NRG3: variants seen among roughly 807,000 people sequenced by gnomAD.
NRG3 encodes pro-neuregulin-3, membrane-bound isoform.
A neutral mutation model predicts 66.9 loss-of-function variants in NRG3; 31 were observed. The ratio of observed to expected loss-of-function variants is 0.46; its 90% CI spans 0.35 to 0.63. The LOEUF (loss-of-function observed/expected upper bound fraction) is 0.63. Among genes scored for constraint, NRG3 ranks in the 20% least tolerant of loss-of-function variants. The pLI, the probability that NRG3 is intolerant of heterozygous loss-of-function variation, is 0.00. For synonymous variants in NRG3, 393 were observed against 359.4 expected, an observed-to-expected ratio of 1.09 and a Z score of -1.06; for missense variants, 910 against 878.9, an observed-to-expected ratio of 1.04 and a Z score of -0.45.
intron 3 of NRG3, among the ~76,000 whole-genome samples, chr10:82,765,315 A>G (rs1373809507): frequency 6.6e-6 from 1 of 152,200 alleles, no homozygotes; most frequent in African/African-American, 2.4e-5. Context: ...TTAAAGTTTT[A>G]CATATGATAC....
chr10:82,787,606 C>T (rs1238552527), intron 3 of NRG3, among the ~76,000 whole-genome samples: 1 of 152,146 alleles, frequency 6.6e-6, no homozygotes, highest in African/African-American at 2.4e-5. Context: ...TCCCCGTCCC[C>T]ATGGGCGTTA....
intron 3 of NRG3, among the ~76,000 whole-genome samples, chr10:82,864,677 A>G (rs1047870665): frequency 1.3e-5 from 2 of 152,220 alleles, no homozygotes; most frequent in Non-Finnish European, 2.9e-5. Flanking sequence ...TCTGCTGATC[A>G]GGCAGATGTT....
intron 1 of NRG3, among the ~76,000 whole-genome samples, chr10:82,096,522 A>G (rs535653798): frequency 1.3e-5 from 2 of 152,152 alleles, no homozygotes; most frequent in East Asian, 3.9e-4. Context: ...AAAAACATGA[A>G]CATGAGTTAA....
intron 4 of NRG3, among the ~76,000 whole-genome samples, chr10:82,911,530 T>G (rs1845320387): frequency 6.6e-6 from 1 of 151,866 alleles, no homozygotes; most frequent in Non-Finnish European, 1.5e-5. Context: ...TTTGTGGGCA[T>G]ACACTTGTTC....
intron 1 of NRG3, among the ~76,000 whole-genome samples, chr10:82,051,013 G>A (rs932367638): frequency 5.3e-5 from 8 of 152,076 alleles, no homozygotes; most frequent in African/African-American, 1.9e-4. Context: ...GTTGTAGGCT[G>A]TGATCAATTT....
At chr10:82,828,917 A>T (rs1415601866) in intron 3 of NRG3, among the ~76,000 whole-genome samples, 1 of 152,208 alleles carries the variant, frequency 6.6e-6, no homozygotes, top group African/African-American at 2.4e-5. Context: ...TCTGTAAAAC[A>T]TGGCAAGGAA....
At chr10:82,775,812 G>A (rs2059892116) in intron 3 of NRG3, among the ~76,000 whole-genome samples, 1 of 151,952 alleles carries the variant, frequency 6.6e-6, no homozygotes, top group Non-Finnish European at 1.5e-5. Flanking sequence ...GGCTTTATGT[G>A]TTTAGGTGCT....
chr10:82,537,641 A>C (rs140777631), intron 2 of NRG3, among the ~76,000 whole-genome samples: 1 of 152,202 alleles, frequency 6.6e-6, no homozygotes, highest in Non-Finnish European at 1.5e-5. Context: ...CAAGTAAGAA[A>C]ATAAACATTT....
chr10:82,885,863 A>ATTTTT (rs558501082), intron 4 of NRG3, among the ~76,000 whole-genome samples: 1 of 142,920 alleles, frequency 7.0e-6, no homozygotes, highest in African/African-American at 2.6e-5. Context: ...CGCCTGGCCT[A>ATTTTT]TTTTTTTTTT....
chr10:82,225,144 A>G (rs2076108667), intron 1 of NRG3, among the ~76,000 whole-genome samples: 1 of 152,146 alleles, frequency 6.6e-6, no homozygotes, highest in African/African-American at 2.4e-5. Flanking sequence ...ACCACAAAAG[A>G]TAAGTAAAAA....
intron 2 of NRG3, among the ~76,000 whole-genome samples, chr10:82,666,957 T>C (rs752740484): frequency 6.6e-6 from 1 of 152,220 alleles, no homozygotes; most frequent in Non-Finnish European, 1.5e-5. Context: ...GTCTAGAAAC[T>C]TTAATGCAAC....
chr10:82,345,406 C>G (rs1481021760), intron 1 of NRG3, among the ~76,000 whole-genome samples: 1 of 151,770 alleles, frequency 6.6e-6, no homozygotes, highest in Non-Finnish European at 1.5e-5. Context: ...GGGCTCTGTT[C>G]TGTTCCATTG....
In NRG3 at chr10:82,643,905, CA is replaced by C. The variant is rs2050757774; in HGVS notation, c.954-94671del. Reference sequence around the variant, plus strand: ...ACACGCGCACACACACACACACACCCACACACACACACACACACGAGAATTT... The same window carrying C: ...ACACGCGCACACACACACACACACCCCACACACACACACACACGAGAATTT... On this transcript the variant is annotated intron_variant, in intron 2 of 8. Coordinates refer to ENST00000372141, the MANE Select transcript of NRG3 (RefSeq NM_001010848.4). Among the ~76,000 whole-genome samples, 7 of 1,788 alleles carry C rather than the reference CA, an allele frequency of 3.9e-3. 1 individual carries two copies. The highest frequency in any genetic ancestry group is 0.027 in the African/African-American group (4 of 146). The allele number at this position is 1,788 out of a possible 152,430, so 1.2% of individuals were successfully genotyped here.
chr10:82,846,824 G>T (rs2063329718), intron 3 of NRG3, among the ~76,000 whole-genome samples: 1 of 152,168 alleles, frequency 6.6e-6, no homozygotes, highest in South Asian at 2.1e-4. Context: ...TGGAGTTGTG[G>T]TGCAAACAGA....
intron 1 of NRG3, among the ~76,000 whole-genome samples, chr10:81,939,318 A>G (rs1848192714): frequency 6.6e-6 from 1 of 152,048 alleles, no homozygotes; most frequent in Non-Finnish European, 1.5e-5. Flanking sequence ...TCAAGTTTTT[A>G]GAAGAGTTTG....
chr10:81,949,997 C>A (rs756660941), intron 1 of NRG3, among the ~76,000 whole-genome samples: 1 of 152,138 alleles, frequency 6.6e-6, no homozygotes, highest in Non-Finnish European at 1.5e-5. Context: ...CCCAGATTTC[C>A]CAGGGGACTC....
chr10:82,705,431 A>G (rs1274611349), intron 2 of NRG3, among the ~76,000 whole-genome samples: 1 of 152,226 alleles, frequency 6.6e-6, no homozygotes, highest in Non-Finnish European at 1.5e-5. Flanking sequence ...CCTCCAGGGC[A>G]TTCAGATACA....
chr10:81,993,517 A>C (rs1040908551), intron 1 of NRG3, among the ~76,000 whole-genome samples: 1 of 151,770 alleles, frequency 6.6e-6, no homozygotes, highest in Non-Finnish European at 1.5e-5. Context: ...CAGCTAATTT[A>C]ATTTTTTTTT....
At chr10:82,078,948 G>A (rs2065237669) in intron 1 of NRG3, among the ~76,000 whole-genome samples, 1 of 152,192 alleles carries the variant, frequency 6.6e-6, no homozygotes, top group Admixed American at 6.5e-5. Flanking sequence ...TTTGCAAACA[G>A]TGGTGCACTC....
Sources: gnomAD v4.1 joint callset for allele counts (sites outside exome capture counted in the v4.1 genomes callset) on GRCh38, gnomAD v4.1.1 for gene constraint, MANE v1.5 for transcripts, NCBI Gene and HGNC (gene_info 2026-07-23, HGNC 2026-07-21) for gene names.